Variants in USP42 observed in about 807,000 individuals in gnomAD.
The protein encoded by USP42 is ubiquitin carboxyl-terminal hydrolase 42.
In USP42, 23 loss-of-function variants were observed where a neutral mutation model predicts 113.0. The observed-to-expected ratio is 0.20, with a 90% CI of 0.15 to 0.29. The LOEUF is 0.29. USP42 is among the 10% of genes least tolerant of loss of function. The pLI, the probability that USP42 is intolerant of heterozygous loss-of-function variation, is 1.00. For synonymous variants in USP42, 933 were observed against 699.0 expected (o/e 1.33, Z -5.28); for missense variants, 2,174 against 1,779.8 (o/e 1.22, Z -3.99).
At chr7:6,134,438 A>G (rs983058272) in intron 3 of USP42, among the ~76,000 whole-genome samples, 3 of 152,116 alleles carry the variant, frequency 2.0e-5, no homozygotes, top group African/African-American at 7.2e-5. Context: ...ATTTCTTTAA[A>G]AAATATTTTT....
intron 2 of USP42, among the ~76,000 whole-genome samples, chr7:6,114,707 G>C (rs1472861727): frequency 1.0e-3 from 5 of 5,008 alleles, no homozygotes; most frequent in Non-Finnish European, 2.3e-3. Context: ...TTTTTTTTTT[G>C]AGACGGAGTC....
intron 14 of USP42, among the ~76,000 whole-genome samples, chr7:6,150,946 G>A (rs1782010636): frequency 6.6e-6 from 1 of 152,226 alleles, no homozygotes; most frequent in Non-Finnish European, 1.5e-5. Context: ...GTTTGGGGAT[G>A]TGGTTGTCAT....
intron 1 of USP42, among the ~76,000 whole-genome samples, chr7:6,105,417 C>T (rs1337108220): frequency 6.1e-5 from 9 of 148,498 alleles, no homozygotes; most frequent in Non-Finnish European, 1.2e-4. Flanking sequence ...TCGGGGCGGC[C>T]GGGGTGGGCG....
intron 3 of USP42, among the ~76,000 whole-genome samples, chr7:6,124,113 T>C (rs1007011306): frequency 1.3e-4 from 19 of 151,724 alleles, no homozygotes; most frequent in Non-Finnish European, 2.2e-4. Flanking sequence ...TAACCTCAGG[T>C]CATCTGCCTG....
chr7:6,150,272 C>T lies in USP42; in HGVS notation c.2076C>T (p.Pro692=), dbSNP rs773545313. The change falls in exon 13 of 18, where the codon CCC becomes CCT. Residue 692 remains proline, a synonymous_variant. Transcript: ENST00000306177. ...QGQPALHSEN[P]FAKANGLPGK... ...AGCCTGCCCTGCACTCAGAAAATCC[C>T]TTTGCTAAGGCAAACGGTCTTCCTG... is the stretch of plus-strand genomic sequence containing the variant. The T allele has an allele frequency of 4.3e-6, 7 of 1,613,444 alleles. No homozygotes were observed. Among genetic ancestry groups the T allele is most frequent in the Non-Finnish European group, 5.9e-6 (7 of 1,179,760 alleles).
chr7:6,153,677 G>A, intron 14 of USP42, 79 bp from the exon 15 acceptor site: 1 of 1,384,198 alleles, frequency 7.2e-7, no homozygotes. Context: ...ACGTTTTGAA[G>A]TATTTGTCCT....
chr7:6,108,942 A>G (rs986497132), intron 1 of USP42, among the ~76,000 whole-genome samples: 24 of 152,190 alleles, frequency 1.6e-4, no homozygotes, highest in African/African-American at 5.5e-4. Flanking sequence ...CTCCACATGT[A>G]TGGAAAGCTT....
rs1031690709 is a variant in USP42 at position 6,154,526 on chromosome 7, A to G, written c.2972A>G (p.Gln991Arg). The change falls in exon 15 of 18, where the codon CAG becomes CGG. Residue 991 changes from glutamine (Q) to arginine (R), a missense_variant. Coordinates refer to ENST00000306177, the MANE Select transcript of USP42 (RefSeq NM_032172.3). ...RRTCPRERDR[Q>R]DRHAPEHHPG... ...ACCTGCCCCCGGGAGCGCGACCGCC[A>G]GGACCGCCACGCCCCGGAGCACCAC... 20 of 1,542,332 alleles carry G rather than the reference A, an allele frequency of 1.3e-5. No homozygotes were observed. In the East Asian group the frequency reaches 4.4e-4, roughly 34 times the overall value.
Position 6,124,727 on chromosome 7 carries a change from C to T in USP42, c.442+9204C>T, listed in dbSNP as rs566602666. 5.3e-5 allele frequency among the ~76,000 whole-genome samples: 8 copies of T among 151,706 alleles called. 1 individual carries two copies. Among genetic ancestry groups the T allele is most frequent in the African/African-American group, 1.9e-4 (8 of 41,356 alleles). ...CTTGCTATTTTTTTTCCTATTTGTC[C>T]CATTTATTCTTGGTTGTCTTTTAAA... On this transcript the variant is annotated intron_variant, in intron 3 of 17. Transcript: ENST00000306177.
chr7:6,132,420 C>G (rs940098605), intron 3 of USP42, among the ~76,000 whole-genome samples: 2 of 148,892 alleles, frequency 1.3e-5, no homozygotes. Flanking sequence ...TGCAGTGTTG[C>G]GATCTCAGCT....
intron 3 of USP42, among the ~76,000 whole-genome samples, chr7:6,123,614 G>C (rs1241516140): frequency 6.6e-6 from 1 of 152,052 alleles, no homozygotes. Context: ...AGTGAGCCGA[G>C]ATCGCGCCAC....
the USP42 span, among the ~76,000 whole-genome samples, chr7:6,085,622 A>ATT: frequency 0.015 from 2,058 of 139,816 alleles, 45 homozygotes; most frequent in Middle Eastern, 0.051. Context: ...ATATATATAT[A>ATT]TATTTTTTTT....
chr7:6,141,408 C>T lies in USP42; in HGVS notation c.795+424C>T, dbSNP rs745767979. Among the ~76,000 whole-genome samples, 10 of 151,762 alleles carry T rather than the reference C, an allele frequency of 6.6e-5. No homozygotes were observed. In the South Asian group the frequency reaches 8.3e-4, roughly 13 times the overall value. ...TTAGTAGAGATGGGGTTTCACCTAT[C>T]GGCCAGGATGGTCTTGAACTCTTGA... On this transcript the variant is annotated intron_variant, in intron 7 of 17. Transcript: ENST00000306177.
chr7:6,145,651 A>G lies in USP42; in HGVS notation c.1126A>G (p.Ile376Val), dbSNP rs1281082005. 8.1e-6 allele frequency: 13 copies of G among 1,613,526 alleles called. No homozygotes were observed. Among genetic ancestry groups the G allele is most frequent in the Non-Finnish European group, 1.1e-5 (13 of 1,179,672 alleles). Residue 376 changes from isoleucine (I) to valine (V), a missense_variant, in exon 10 of 18, where the codon ATA (isoleucine) becomes GTA (valine). Physicochemically the swap from Ile to Val is conservative, Grantham distance 29. Coordinates refer to ENST00000306177, the MANE Select transcript of USP42 (RefSeq NM_032172.3). ...CCATGCTGGCCATTACTTCTGCTAC[A>G]TAAAAGTAAGCTGTGCAGATTTGCT... ...NCHAGHYFCY[I>V]KASNGLWYQM...
chr7:6,099,832 G>T, the USP42 span, among the ~76,000 whole-genome samples: 1 of 150,718 alleles, frequency 6.6e-6, no homozygotes, highest in Non-Finnish European at 1.5e-5. Context: ...GCATTGTGGT[G>T]GGTGCCTATA....
rs1454269802 is a variant in USP42 at position 6,155,155 on chromosome 7, A to G, written c.3601A>G (p.Lys1201Glu). 4 of 1,545,880 alleles carry G rather than the reference A, an allele frequency of 2.6e-6. No homozygotes were observed. The highest frequency in any genetic ancestry group is 4.1e-5 in the Admixed American group (2 of 49,220). ...KAKKHKKSKK[K>E]KKSKDKHRDR... is the part of the protein sequence containing the mutation. ...AAAGAAGCACAAAAAATCAAAGAAG[A>G]AAAAGAAATCCAAAGACAAACACCG... Residue 1201 changes from lysine to glutamate, a missense_variant, in exon 15 of 18, where the codon AAA becomes GAA. Lys to Glu is a moderately conservative substitution (Grantham distance 56). Transcript: ENST00000306177.
chr7:6,112,465 A>G (rs1056390324), intron 2 of USP42, among the ~76,000 whole-genome samples: 2 of 152,164 alleles, frequency 1.3e-5, no homozygotes, highest in Admixed American at 1.3e-4. Context: ...GAAAAAAGAA[A>G]AAAAAAAGAG....
intron 2 of USP42, among the ~76,000 whole-genome samples, chr7:6,114,090 A>G (rs1249186877): frequency 6.6e-6 from 1 of 152,202 alleles, no homozygotes; most frequent in East Asian, 1.9e-4. Flanking sequence ...CAAAATTTTT[A>G]GGTCATAGGT....
intron 2 of USP42, among the ~76,000 whole-genome samples, chr7:6,114,627 CGTGTGTGTGTATATATGTAT>C (rs1397930354): frequency 8.9e-6 from 1 of 112,180 alleles, no homozygotes; most frequent in African/African-American, 3.7e-5. Flanking sequence ...ACATAAAATA[CGTGTGTGTGTATATATGTAT>C]GTGTGTGTGT....
Sources: allele counts gnomAD v4.1 joint callset (sites outside exome capture counted in the v4.1 genomes callset), GRCh38; gene constraint gnomAD v4.1.1; transcripts MANE v1.5; gene names NCBI Gene and HGNC (gene_info 2026-07-23, HGNC 2026-07-21).